The following AP2A2 variants were observed in gnomAD, a reference collection of about 807,000 sequenced individuals.
AP2A2 encodes AP-2 complex subunit alpha-2.
AP2A2 carries 32 observed loss-of-function variants against 104.2 expected under a neutral mutation model. The observed-to-expected ratio is 0.31, with a 90% CI of 0.23 to 0.41. The LOEUF (loss-of-function observed/expected upper bound fraction) is 0.41, where lower values mean the gene tolerates loss of function less well. Ranked by LOEUF, AP2A2 falls within the 10% of genes least tolerant of loss-of-function variation. The probability of loss-of-function intolerance (pLI) is 1.00; values close to 1 mark genes in which losing one functional copy is unlikely to be tolerated. For missense variants in AP2A2, 912 were observed against 1,261.0 expected, an observed-to-expected ratio of 0.72 and a Z score of 4.19; for synonymous variants, 539 against 533.3, an observed-to-expected ratio of 1.01 and a Z score of -0.15.
intron 1 of AP2A2, among the ~76,000 whole-genome samples, chr11:930,369 C>T (rs944679080): frequency 6.6e-6 from 1 of 152,082 alleles, no homozygotes; most frequent in Non-Finnish European, 1.5e-5. Context: ...CTTAATGTCT[C>T]CTAAAATTAA....
Position 968,944 on chromosome 11 carries a change from A to C in AP2A2, c.137-1225A>C, listed in dbSNP as rs1854719010. Among the ~76,000 whole-genome samples the C allele has an allele frequency of 6.6e-6, 1 of 152,164 alleles. No homozygotes were observed. The highest frequency in any genetic ancestry group is 2.4e-5 in the African/African-American group (1 of 41,430). ...GCCGACTGGTGATGCACCGTTCCCC[A>C]GGAAATGTGGCCGGTCTGTATTCTA... On this transcript the variant is annotated intron_variant, in intron 2 of 21. Transcript: ENST00000448903. The surrounding 1 kb of genome is among the most constrained non-coding windows in gnomAD (Gnocchi z 4.2).
rs1414724777 is a variant in AP2A2, at chr11:1,011,150, G to A, written c.*525G>A. 1.8e-6 allele frequency: 1 copy of A among 548,490 alleles called. No individual in the cohort carries two copies. The highest frequency in any genetic ancestry group is 3.6e-6 in the Non-Finnish European group (1 of 279,942). 34.0% of individuals were successfully genotyped at this position (548,490 alleles called of 1,614,324 possible). A position where few individuals can be genotyped will look rare whatever the true frequency, so the allele number is the denominator to read the frequency against. Reference sequence around the variant, plus strand: ...CCAGCTGGACTGTTTTCCCAGGCAGGATTTTAATCTAGAATTTAGAAACAT... The same window carrying A: ...CCAGCTGGACTGTTTTCCCAGGCAGAATTTTAATCTAGAATTTAGAAACAT... On this transcript the variant is annotated 3_prime_UTR_variant, in exon 22 of 22. Coordinates refer to ENST00000448903, the MANE Select transcript of AP2A2 (RefSeq NM_012305.4).
At position 993,407 on chromosome 11, in the gene AP2A2, C is replaced by T. The variant is rs1390294164; in HGVS notation, c.1550+26C>T. ...GTGAGAGGCCCTTTGCGAGTCGGGG[C>T]TGTGTGCGCTCCGGCGGGCCTCTCG... On this transcript the variant is annotated intron_variant, in intron 12 of 21. Transcript: ENST00000448903. This position sits in a 1 kb window ranked among gnomAD's most constrained non-coding sequence, Gnocchi z 8.2. 3 of 1,568,914 alleles carry T rather than the reference C, an allele frequency of 1.9e-6. No homozygotes were observed. In the Admixed American group the frequency reaches 5.7e-5, roughly 30 times the overall value.
At chr11:963,292 G>A (rs555256723) in intron 2 of AP2A2, among the ~76,000 whole-genome samples, 78 of 152,178 alleles carry the variant, frequency 5.1e-4, no homozygotes, top group African/African-American at 1.8e-3. Context: ...TGGGCATGGT[G>A]GCGGGCACCT....
intron 1 of AP2A2, among the ~76,000 whole-genome samples, chr11:944,761 A>C (rs950690477): frequency 3.3e-5 from 5 of 151,590 alleles, no homozygotes; most frequent in Non-Finnish European, 7.4e-5. Flanking sequence ...GTCTTGGCAG[A>C]GGGAGTGGTA....
rs142249107 is a variant in AP2A2 at position 999,204 on chromosome 11, G to T, written c.1957-1228G>T. Among the ~76,000 whole-genome samples, 431 of 152,300 alleles carry T rather than the reference G, an allele frequency of 2.8e-3. 2 individuals are homozygous for T. The highest frequency in any genetic ancestry group is 1.0e-2 in the African/African-American group (415 of 41,568). ...AGAGTTTAATCATGAGATCATAGGC[G>T]CTCTTTCCTTGTGCCTTTGCCCCAG... On this transcript the variant is annotated intron_variant, in intron 14 of 21. Transcript: ENST00000448903.
Position 993,845 on chromosome 11 carries a change from G to A in AP2A2, c.1642G>A (p.Val548Met), listed in dbSNP as rs778764645. Residue 548 changes from valine to methionine, a missense_variant, in exon 13 of 22, where the codon GTG becomes ATG. Coordinates refer to ENST00000448903, the MANE Select transcript of AP2A2 (RefSeq NM_012305.4). This position sits in a 1 kb window ranked among gnomAD's most constrained non-coding sequence, Gnocchi z 8.2. ...GCTCCTGTCCACCTACATCAAGTTCGTGAACCTCTTCCCGGAGGTGAAGCC... is the reference window on the plus strand; with the variant it reads ...GCTCCTGTCCACCTACATCAAGTTCATGAACCTCTTCCCGGAGGTGAAGCC... ...ALLLSTYIKFVNLFPEVKPTI... is the reference protein window; with the variant it reads ...ALLLSTYIKFMNLFPEVKPTI... The A allele has an allele frequency of 6.8e-6, 11 of 1,609,270 alleles. No homozygotes were observed. Among genetic ancestry groups the A allele is most frequent in the Non-Finnish European group, 6.8e-6 (8 of 1,179,714 alleles).
At chr11:959,358 GAGTGTC>G in intron 1 of AP2A2, 73 bp from the exon 2 acceptor site, 1 of 992,992 alleles carries the variant, frequency 1.0e-6, no homozygotes. Context: ...CGTGAGTTCT[GAGTGTC>G]AGTCTTATCA....
intron 14 of AP2A2, among the ~76,000 whole-genome samples, chr11:995,625 T>C (rs1032546084): frequency 2.0e-5 from 3 of 151,202 alleles, no homozygotes; most frequent in African/African-American, 7.3e-5. Flanking sequence ...GGGGACCTGC[T>C]TATGTGCCCC....
chr11:944,484 T>C (rs1853765758), intron 1 of AP2A2, among the ~76,000 whole-genome samples: 1 of 152,176 alleles, frequency 6.6e-6, no homozygotes, highest in Non-Finnish European at 1.5e-5. Context: ...AAACATAGTT[T>C]AGTGGGATGT....
intron 1 of AP2A2, among the ~76,000 whole-genome samples, chr11:935,111 T>G (rs577116949): frequency 1.4e-5 from 2 of 148,020 alleles, no homozygotes; most frequent in Non-Finnish European, 3.0e-5. Flanking sequence ...TAGAGTGCAG[T>G]GGTGCGATCT....
chr11:933,943 T>C (rs1295941190), intron 1 of AP2A2, among the ~76,000 whole-genome samples: 2 of 151,984 alleles, frequency 1.3e-5, no homozygotes, highest in South Asian at 2.1e-4. Flanking sequence ...GTGGGAATGG[T>C]TGGGGGTATC....
chr11:1,001,842 A>G (rs1335284798), intron 15 of AP2A2, among the ~76,000 whole-genome samples: 2 of 152,040 alleles, frequency 1.3e-5, no homozygotes, highest in Non-Finnish European at 2.9e-5. Context: ...CACGCCTCAC[A>G]TTGGGTGGCG....
chr11:931,802 GTT>G (rs138261185), intron 1 of AP2A2, among the ~76,000 whole-genome samples: 4,199 of 124,970 alleles, frequency 0.034, 148 homozygotes, highest in African/African-American at 0.12. Flanking sequence ...TCCATTTCTT[GTT>G]TTTTTTTTTT....
intron 4 of AP2A2, among the ~76,000 whole-genome samples, chr11:976,868 G>A (rs1378283471): frequency 1.3e-5 from 2 of 152,254 alleles, no homozygotes; most frequent in Admixed American, 6.5e-5. Flanking sequence ...GTCGGCTGGT[G>A]GTTTTGGTGG....
In AP2A2 at chr11:993,688, C is replaced by G. The variant is rs965984655; in HGVS notation, c.1551-66C>G. 10 of 1,295,216 alleles carry G rather than the reference C, an allele frequency of 7.7e-6. No homozygotes were observed. The African/African-American group carries it at 8.8e-5, about 11-fold the overall frequency. 80.2% of individuals were successfully genotyped at this position (1,295,216 alleles called of 1,614,324 possible). On this transcript the variant is annotated intron_variant, in intron 12 of 21. Coordinates refer to ENST00000448903, the MANE Select transcript of AP2A2 (RefSeq NM_012305.4). The surrounding 1 kb of genome is among the most constrained non-coding windows in gnomAD (Gnocchi z 8.2). ...GGGGGTCTCGCCGCCGTCCCCCCCC[C>G]GCGGGGGCGTGCTGCAGCCTGCGAG...
intron 1 of AP2A2, among the ~76,000 whole-genome samples, chr11:945,174 CAT>C (rs530558560): frequency 4.4e-4 from 67 of 152,134 alleles, no homozygotes; most frequent in Admixed American, 1.4e-3. Context: ...CAGCAGGACA[CAT>C]GTGATACATT....
At chr11:980,562 C>T (rs1207093902) in intron 5 of AP2A2, among the ~76,000 whole-genome samples, 1 of 150,288 alleles carries the variant, frequency 6.7e-6, no homozygotes, top group Non-Finnish European at 1.5e-5. Context: ...CGGTGACAGG[C>T]TGCCCGGTGC....
At chr11:1,003,266 C>G (rs1472403758) in intron 15 of AP2A2, among the ~76,000 whole-genome samples, 1 of 152,188 alleles carries the variant, frequency 6.6e-6, no homozygotes, top group Non-Finnish European at 1.5e-5. Context: ...GGCTGTGCTG[C>G]TGGTGGGTGG....
Sources: allele counts gnomAD v4.1 joint callset (sites outside exome capture counted in the v4.1 genomes callset), GRCh38; gene constraint gnomAD v4.1.1; non-coding constraint Gnocchi (gnomAD v3.1); transcripts MANE v1.5; gene names NCBI Gene and HGNC (gene_info 2026-07-23, HGNC 2026-07-21).